PIWIL4: variants seen among roughly 807,000 people sequenced by gnomAD.
PIWIL4 encodes piwi-like protein 4.
PIWIL4 carries 50 observed loss-of-function variants against 100.9 expected under a neutral mutation model. The observed-to-expected ratio is 0.50, with a 90% CI of 0.39 to 0.63. PIWIL4 has a LOEUF of 0.63. PIWIL4 is among the 20% of genes least tolerant of loss of function. The probability of loss-of-function intolerance (pLI) is 0.00; values close to 1 mark genes in which losing one functional copy is unlikely to be tolerated. For missense variants in PIWIL4, 887 were observed against 1,043.3 expected, an observed-to-expected ratio of 0.85 and a Z score of 2.06; for synonymous variants, 342 against 367.5, an observed-to-expected ratio of 0.93 and a Z score of 0.79.
intron 4 of PIWIL4, among the ~76,000 whole-genome samples, chr11:94,580,157 C>G (rs1948293098): frequency 1.3e-5 from 2 of 152,076 alleles, no homozygotes; most frequent in Admixed American, 6.6e-5. Flanking sequence ...CAAATCAGGC[C>G]TGTTTATTTT....
At position 94,592,409 on chromosome 11, in the gene PIWIL4, T is replaced by C. The variant is rs950630949; in HGVS notation, c.1027-1109T>C. ...CAGAAAGGCAGGGACTGTGCCTCTT[T>C]TATTTTCTTATCCACTGCCGTTCCT... On this transcript the variant is annotated intron_variant, in intron 8 of 19. Transcript: ENST00000299001. Among the ~76,000 whole-genome samples, 6 of 152,218 alleles carry C rather than the reference T, an allele frequency of 3.9e-5. No individual in the cohort carries two copies. The South Asian group carries it at 1.0e-3, about 26-fold the overall frequency.
At chr11:94,573,828 G>A (rs1433243347) in intron 2 of PIWIL4, among the ~76,000 whole-genome samples, 1 of 151,922 alleles carries the variant, frequency 6.6e-6, no homozygotes, top group African/African-American at 2.4e-5. Flanking sequence ...CATTTATTTT[G>A]TTGTGCAGTC....
chr11:94,620,583 C>T (rs961918203), intron 19 of PIWIL4, among the ~76,000 whole-genome samples: 1 of 152,226 alleles, frequency 6.6e-6, no homozygotes, highest in African/African-American at 2.4e-5. Context: ...AAGGTTTGCA[C>T]GAAGCTCCTC....
intron 17 of PIWIL4, among the ~76,000 whole-genome samples, chr11:94,618,670 T>C (rs957060015): frequency 1.3e-5 from 2 of 152,210 alleles, no homozygotes; most frequent in African/African-American, 2.4e-5. Context: ...TTATGTGAAA[T>C]GGCAAGTTCA....
At chr11:94,619,922 T>C (rs1171736078) in intron 18 of PIWIL4, 37 bp downstream of exon 18, 1 of 1,614,120 alleles carries the variant, frequency 6.2e-7, no homozygotes, top group South Asian at 1.1e-5. Context: ...TAACAAAACA[T>C]TCATTGCGTC....
At chr11:94,596,148 T>C (rs955198608) in intron 10 of PIWIL4, among the ~76,000 whole-genome samples, 4 of 152,158 alleles carry the variant, frequency 2.6e-5, no homozygotes, top group African/African-American at 9.7e-5. Context: ...TTTTTTACTT[T>C]CTTAAGGTGG....
chr11:94,573,155 C>T (rs1340077552), intron 2 of PIWIL4, among the ~76,000 whole-genome samples: 1 of 152,160 alleles, frequency 6.6e-6, no homozygotes, highest in Non-Finnish European at 1.5e-5. Context: ...TGAGACTTTG[C>T]TGAAGTTGCT....
intron 4 of PIWIL4, among the ~76,000 whole-genome samples, chr11:94,582,940 CT>C (rs1565272443): frequency 1.3e-5 from 2 of 151,962 alleles, no homozygotes. Flanking sequence ...AATCCATGAA[CT>C]TGGGATGGGC....
intron 11 of PIWIL4, among the ~76,000 whole-genome samples, chr11:94,598,554 C>A (rs1948590152): frequency 6.6e-6 from 1 of 152,084 alleles, no homozygotes; most frequent in East Asian, 1.9e-4. Flanking sequence ...CTCCCCTCCC[C>A]CTCCGTTTTG....
At chr11:94,592,626 C>A (rs974633090) in intron 8 of PIWIL4, among the ~76,000 whole-genome samples, 1 of 152,140 alleles carries the variant, frequency 6.6e-6, no homozygotes, top group South Asian at 2.1e-4. Flanking sequence ...CATTTGACTT[C>A]TTTTATTGTG....
intron 2 of PIWIL4, among the ~76,000 whole-genome samples, chr11:94,574,396 G>C (rs1948207611): frequency 6.6e-6 from 1 of 152,226 alleles, no homozygotes. Flanking sequence ...CGGCAGGAGA[G>C]CTGCCCTCCC....
At chr11:94,567,837 T>G (rs530951544) in intron 1 of PIWIL4, 1 of 1,129,064 alleles carries the variant, frequency 8.9e-7, no homozygotes, top group Non-Finnish European at 1.1e-6. Context: ...GACTGAAGAT[T>G]GGGGACAAAT....
chr11:94,589,777 A>T (rs985788427), intron 8 of PIWIL4, among the ~76,000 whole-genome samples: 2 of 152,016 alleles, frequency 1.3e-5, no homozygotes, highest in East Asian at 1.9e-4. Flanking sequence ...GCCCCAAAGC[A>T]TTCCTCCCAG....
At chr11:94,597,530 TA>T (rs1264811296) in intron 10 of PIWIL4, among the ~76,000 whole-genome samples, 1 of 152,236 alleles carries the variant, frequency 6.6e-6, no homozygotes, top group Non-Finnish European at 1.5e-5. Context: ...CTCAAGGTCA[TA>T]TATTATTAAA....
chr11:94,607,038 G>A (rs1948730111), intron 13 of PIWIL4, among the ~76,000 whole-genome samples: 1 of 152,146 alleles, frequency 6.6e-6, no homozygotes, highest in African/African-American at 2.4e-5. Context: ...AGGGACCAAT[G>A]GGAATGATAA....
rs750655716 is a variant in PIWIL4 at position 94,587,138 on chromosome 11, C to T, written c.805C>T (p.Arg269Trp). 32 of 1,613,874 alleles carry T rather than the reference C, an allele frequency of 2.0e-5. No individual in the cohort carries two copies. Among genetic ancestry groups the T allele is most frequent in the Non-Finnish European group, 2.5e-5 (30 of 1,179,934 alleles). Reference sequence around the variant, plus strand: ...TGCTGATGTGAGTTACAAAGTCCTCCGGAATGAGACGGTTCTGGAATTCAT... The same window carrying T: ...TGCTGATGTGAGTTACAAAGTCCTCTGGAATGAGACGGTTCTGGAATTCAT... ...FSADVSYKVL[R>W]NETVLEFMTA... The change falls in exon 7 of 20, where the codon CGG (arginine) becomes TGG (tryptophan). Residue 269 changes from arginine to tryptophan, a missense_variant. Physicochemically the swap from Arg to Trp is moderately radical, Grantham distance 101 (BLOSUM62 -3). Coordinates refer to ENST00000299001, the MANE Select transcript of PIWIL4 (RefSeq NM_152431.3).
chr11:94,614,300 C>CTTTTTTTTTTTTTTTTT (rs57731239), intron 15 of PIWIL4, among the ~76,000 whole-genome samples: 24 of 120,124 alleles, frequency 2.0e-4, no homozygotes, highest in African/African-American at 2.3e-4. Context: ...TTTTTCTTTT[C>CTTTTTTTTTTTTTTTTT]TTTTTTTTTT....
rs1948899670 is a variant in PIWIL4, at chr11:94,621,055, A to C, written c.*63A>C. On this transcript the variant is annotated 3_prime_UTR_variant, in exon 20 of 20. Transcript: ENST00000299001. ...AGAAGAAATTGGTATACTTTGTGCA[A>C]ATCTGCCATAAGCTCAAGGCTGTGA... 16 of 1,205,536 alleles carry C rather than the reference A, an allele frequency of 1.3e-5. 1 individual carries two copies. In the South Asian group the frequency reaches 2.0e-4, roughly 15 times the overall value. 74.7% of individuals were successfully genotyped at this position (1,205,536 alleles called of 1,614,324 possible).
At chr11:94,599,735 C>G (rs967169571) in intron 11 of PIWIL4, among the ~76,000 whole-genome samples, 2 of 152,216 alleles carry the variant, frequency 1.3e-5, no homozygotes, top group African/African-American at 4.8e-5. Flanking sequence ...AGTGCCCTGG[C>G]TGCCATGTCA....
Sources: allele counts gnomAD v4.1 joint callset (sites outside exome capture counted in the v4.1 genomes callset), GRCh38; gene constraint gnomAD v4.1.1; transcripts MANE v1.5; gene names NCBI Gene and HGNC (gene_info 2026-07-23, HGNC 2026-07-21).